Variants in ACAA2 observed in about 807,000 individuals in gnomAD.
ACAA2 encodes the protein acetyl-CoA acyltransferase 2, also known as 3-ketoacyl-CoA thiolase, mitochondrial.
In ACAA2, 35 loss-of-function variants were observed where a neutral mutation model predicts 44.8. That is an observed-to-expected ratio of 0.78 (90% CI 0.60 to 1.04). ACAA2 has a LOEUF of 1.04. Ranked by LOEUF, ACAA2 falls within the 50% of genes least tolerant of loss-of-function variation. ACAA2 has a pLI of 0.00. For synonymous variants in ACAA2, 142 were observed against 166.5 expected (o/e 0.85, Z 1.13); for missense variants, 468 against 482.6 (o/e 0.97, Z 0.28).
rs2023410380 is a variant in ACAA2, at chr18:49,792,206, C to A, written c.699G>T (p.Gln233His). ...CTTTCTTGAATACTGGAGGAAGTTT[C>A]TGTAACTGTTCCAGGGTGGTTTGGG... ...ARPQTTLEQL[Q>H]KLPPVFKKDG... The change falls in exon 6 of 10, where the codon CAG (glutamine) becomes CAT (histidine). Residue 233 changes from glutamine (Q) to histidine (H), a missense_variant. By Grantham distance (24) the Gln-to-His change is conservative. Coordinates refer to ENST00000285093, the MANE Select transcript of ACAA2 (RefSeq NM_006111.3). The A allele has an allele frequency of 6.2e-7, 1 of 1,614,072 alleles. No individual in the cohort carries two copies. Among genetic ancestry groups the A allele is most frequent in the African/African-American group, 1.3e-5 (1 of 75,056 alleles).
At chr18:49,805,471 T>C (rs1209600105) in intron 1 of ACAA2, among the ~76,000 whole-genome samples, 1 of 152,244 alleles carries the variant, frequency 6.6e-6, no homozygotes, top group Non-Finnish European at 1.5e-5. Context: ...TTTGTTCTGG[T>C]AAATTGGTTA....
intron 7 of ACAA2, among the ~76,000 whole-genome samples, chr18:49,787,808 T>C (rs761802146): frequency 7.2e-5 from 11 of 152,172 alleles, no homozygotes; most frequent in Non-Finnish European, 1.6e-4. Context: ...GTTATGTTAA[T>C]AGATTATAAT....
chr18:49,813,417 G>C, intron 1 of ACAA2, 52 bp downstream of exon 1: 4 of 1,213,766 alleles, frequency 3.3e-6, no homozygotes, highest in Non-Finnish European at 4.1e-6. Context: ...GGCCTGGCCT[G>C]GGGAGGGCAG....
chr18:49,792,032 A>G (rs1289349379), intron 6 of ACAA2, 120 bp downstream of exon 6: 3 of 658,156 alleles, frequency 4.6e-6, no homozygotes, highest in Non-Finnish European at 7.3e-6. Flanking sequence ...GAATATGAAC[A>G]CTATTAGTTT....
rs754463910 is a variant in ACAA2, at chr18:49,792,245, G to A, written c.660C>T (p.Asp220=). ...GGGTGGTTTGGGGCCGAGCATGCTC[G>A]TCTACCTGCATTGTCTGTTTTCCTT... ...TKKGKQTMQV[D]EHARPQTTLE... is the part of the protein sequence containing the mutation. Residue 220 remains aspartate, a synonymous_variant, in exon 6 of 10, where the codon GAC becomes GAT. Coordinates refer to ENST00000285093, the MANE Select transcript of ACAA2 (RefSeq NM_006111.3). The A allele has an allele frequency of 9.9e-6, 16 of 1,613,680 alleles. No individual in the cohort carries two copies. The Admixed American group carries it at 1.7e-4, about 17-fold the overall frequency.
chr18:49,791,720 A>G, intron 6 of ACAA2, 121 bp from the exon 7 acceptor site: 1 of 927,456 alleles, frequency 1.1e-6, no homozygotes, highest in Non-Finnish European at 1.6e-6. Flanking sequence ...GCACAGTGTG[A>G]GATACAATTA....
intron 5 of ACAA2, among the ~76,000 whole-genome samples, chr18:49,793,617 T>A (rs2023431594): frequency 6.6e-6 from 1 of 152,232 alleles, no homozygotes. Context: ...ACTTCAAGCA[T>A]TTAATATTCC....
At position 49,794,383 on chromosome 18, in the gene ACAA2, C is replaced by T; in HGVS notation, c.474G>A (p.Gln158=). The T allele has an allele frequency of 6.2e-7, 1 of 1,610,102 alleles. No homozygotes were observed. The highest frequency in any genetic ancestry group is 8.5e-7 in the Non-Finnish European group (1 of 1,178,892). Residue 158 remains glutamine (Q), a synonymous_variant, in exon 5 of 10, where the codon CAG becomes CAA. Transcript: ENST00000285093. The part of the protein sequence containing the change: ...LWVSLTDQHV[Q]LPMAMTAENL... ...TCTCTGCAGTCATTGCCATGGGGAGCTGGACATGCTGATCTGTTAATGATA... is the reference window on the plus strand; with the variant it reads ...TCTCTGCAGTCATTGCCATGGGGAGTTGGACATGCTGATCTGTTAATGATA...
At chr18:49,791,310 C>CTAGG (rs2023395839) in intron 7 of ACAA2, among the ~76,000 whole-genome samples, 160 bp downstream of exon 7, 1 of 152,130 alleles carries the variant, frequency 6.6e-6, no homozygotes, top group African/African-American at 2.4e-5. Flanking sequence ...TCTATTGTGT[C>CTAGG]TAGGACAGTT....
intron 1 of ACAA2, among the ~76,000 whole-genome samples, chr18:49,810,391 T>C (rs1375867688): frequency 1.3e-5 from 2 of 152,158 alleles, no homozygotes; most frequent in African/African-American, 4.8e-5. Flanking sequence ...TCAGAAACAA[T>C]AGAGCCTAAT....
chr18:49,798,855 T>A (rs1320477013), intron 2 of ACAA2, among the ~76,000 whole-genome samples: 2 of 152,012 alleles, frequency 1.3e-5, no homozygotes, highest in Non-Finnish European at 2.9e-5. Context: ...ATATCACATA[T>A]CAACAGAATA....
At chr18:49,800,318 G>T (rs1281751531) in intron 2 of ACAA2, among the ~76,000 whole-genome samples, 2 of 151,300 alleles carry the variant, frequency 1.3e-5, no homozygotes, top group African/African-American at 4.9e-5. Flanking sequence ...TCCGGGAGGT[G>T]AGGGGCGCCT....
chr18:49,806,362 C>A (rs183071353), intron 1 of ACAA2, among the ~76,000 whole-genome samples: 2 of 152,312 alleles, frequency 1.3e-5, no homozygotes, highest in South Asian at 2.1e-4. Flanking sequence ...CTTAGCCATT[C>A]ATGTGTAGGT....
At chr18:49,797,699 CTA>C (rs2023481124) in intron 2 of ACAA2, 105 bp from the exon 3 acceptor site, 1 of 913,012 alleles carries the variant, frequency 1.1e-6, no homozygotes, top group East Asian at 2.8e-5. Flanking sequence ...AAATGATAAA[CTA>C]TATGGCTCTA....
intron 3 of ACAA2, among the ~76,000 whole-genome samples, chr18:49,796,512 C>T (rs1228081692): frequency 2.6e-5 from 4 of 152,096 alleles, no homozygotes; most frequent in African/African-American, 9.7e-5. Flanking sequence ...GCCTCTGGCT[C>T]TTATTTTGTT....
intron 2 of ACAA2, among the ~76,000 whole-genome samples, chr18:49,800,492 G>C (rs1303511541): frequency 6.6e-6 from 1 of 152,184 alleles, no homozygotes; most frequent in African/African-American, 2.4e-5. Context: ...AAATCGGATG[G>C]TTGCCGTGTC....
rs28420702 is a variant in ACAA2, at chr18:49,799,838, T to C, written c.184-2244A>G. On this transcript the variant is annotated intron_variant, in intron 2 of 9. Coordinates refer to ENST00000285093, the MANE Select transcript of ACAA2 (RefSeq NM_006111.3). ...CGTCTCTGCCCGGCCGCCCATCATC[T>C]GGGATGTGGGGAGCGCCTCTGCCCG... 7.2e-3 allele frequency among the ~76,000 whole-genome samples: 850 copies of C among 117,872 alleles called. 13 individuals carry two copies. The highest frequency in any genetic ancestry group is 0.019 in the South Asian group (56 of 2,950). 77.3% of individuals were successfully genotyped at this position (117,872 alleles called of 152,430 possible). A position where few individuals can be genotyped will look rare whatever the true frequency, so the allele number is the denominator to read the frequency against.
At chr18:49,797,424 A>G (rs2023477472) in intron 3 of ACAA2, 42 bp downstream of exon 3, 4 of 1,569,576 alleles carry the variant, frequency 2.5e-6, no homozygotes, top group Non-Finnish European at 3.5e-6. Context: ...TCTAGTAACT[A>G]TTAACATATT....
intron 2 of ACAA2, among the ~76,000 whole-genome samples, chr18:49,800,681 A>AGG (rs2023536715): frequency 6.6e-6 from 1 of 152,128 alleles, no homozygotes; most frequent in African/African-American, 2.4e-5. Flanking sequence ...GCTTTGTTAA[A>AGG]CAGATGCTTG....
Sources: allele counts gnomAD v4.1 joint callset (sites outside exome capture counted in the v4.1 genomes callset), GRCh38; gene constraint gnomAD v4.1.1; transcripts MANE v1.5; gene names NCBI Gene and HGNC (gene_info 2026-07-23, HGNC 2026-07-21).